The following PDZD2 variants were observed in gnomAD, a reference collection of about 807,000 sequenced individuals.
PDZD2 encodes the protein PDZ domain-containing protein 2.
In PDZD2, 90 loss-of-function variants were observed where a neutral mutation model predicts 220.7. The ratio of observed to expected loss-of-function variants is 0.41; its 90% confidence interval spans 0.34 to 0.49. The LOEUF (loss-of-function observed/expected upper bound fraction) is 0.49, where lower values mean the gene tolerates loss of function less well. Ranked by LOEUF, PDZD2 falls within the 20% of genes least tolerant of loss-of-function variation. PDZD2 has a pLI of 0.28. For synonymous variants in PDZD2, 1,375 were observed against 1,450.5 expected (o/e 0.95, Z 1.18); for missense variants, 3,174 against 3,608.5 (o/e 0.88, Z 3.08).
At chr5:32,101,026 G>T in intron 23 of PDZD2, 79 bp from the exon 24 acceptor site, 1 of 1,589,142 alleles carries the variant, frequency 6.3e-7, no homozygotes, top group Non-Finnish European at 8.6e-7. Flanking sequence ...GGCTGGAGGC[G>T]ATGCATCCTG....
rs1742124558 is a variant in PDZD2, at chr5:32,083,159, AT to A, written c.3683-3971del. On this transcript the variant is annotated intron_variant, in intron 19 of 24. Coordinates refer to ENST00000438447, the MANE Select transcript of PDZD2 (RefSeq NM_178140.4). This position sits in a 1 kb window ranked among gnomAD's most constrained non-coding sequence, Gnocchi z 4.1. Reference sequence around the variant, plus strand: ...GAGTCTTGTGCGTATATGGGTGTGAATAAATATATAGTCCTGTGCTTTTTTT... The same window carrying A: ...GAGTCTTGTGCGTATATGGGTGTGAAAAATATATAGTCCTGTGCTTTTTTT... Among the ~76,000 whole-genome samples, 1 of 151,684 alleles carries A rather than the reference AT, an allele frequency of 6.6e-6. No homozygotes were observed. The highest frequency in any genetic ancestry group is 6.6e-5 in the Admixed American group (1 of 15,182).
chr5:31,717,727 G>A (rs1017106724), intron 1 of PDZD2, among the ~76,000 whole-genome samples: 3 of 152,186 alleles, frequency 2.0e-5, no homozygotes, highest in Admixed American at 1.3e-4. Context: ...TCTGTGCCAC[G>A]CAGAGCCTGA....
intron 19 of PDZD2, among the ~76,000 whole-genome samples, chr5:32,079,319 C>T (rs1274181177): frequency 1.9e-4 from 29 of 150,788 alleles, no homozygotes; most frequent in Non-Finnish European, 5.9e-5. Context: ...AACTTGCACT[C>T]TGTGGGTAGG....
In PDZD2 at chr5:32,063,071, G is replaced by A; in HGVS notation, c.2451+1937G>A. ...TATTATTATTATTATTTGAGACGGA[G>A]TCTAGCTCTATAGCCCGGGCTGGGG... On this transcript the variant is annotated intron_variant, in intron 14 of 24. Transcript: ENST00000438447. Among the ~76,000 whole-genome samples, 3 of 110,618 alleles carry A rather than the reference G, an allele frequency of 2.7e-5. No individual in the cohort carries two copies. The Middle Eastern group carries it at 0.015, about 564-fold the overall frequency. 72.6% of individuals were successfully genotyped at this position (110,618 alleles called of 152,430 possible).
In PDZD2 at chr5:32,054,475, C is replaced by T. The variant is rs563831048; in HGVS notation, c.1900+592C>T. Among the ~76,000 whole-genome samples the T allele has an allele frequency of 9.2e-5, 14 of 151,780 alleles. No individual in the cohort carries two copies. In the East Asian group the frequency reaches 1.9e-3, roughly 21 times the overall value. On this transcript the variant is annotated intron_variant, in intron 10 of 24. Coordinates refer to ENST00000438447, the MANE Select transcript of PDZD2 (RefSeq NM_178140.4). ...AGTAGCTGGGACTATAGGTGCACAC[C>T]GTCATGCCTGGCTAATTTTTGTATA... is the stretch of plus-strand genomic sequence containing the variant.
intron 1 of PDZD2, among the ~76,000 whole-genome samples, chr5:31,742,738 A>G (rs1750344835): frequency 6.6e-6 from 1 of 152,186 alleles, no homozygotes; most frequent in African/African-American, 2.4e-5. Context: ...GTGGAATAAT[A>G]TTCGTGTCTT....
At chr5:31,652,802 G>A (rs1745399899) in intron 1 of PDZD2, among the ~76,000 whole-genome samples, 1 of 152,180 alleles carries the variant, frequency 6.6e-6, no homozygotes, top group Non-Finnish European at 1.5e-5. Context: ...CTTGAGGTCA[G>A]GAGTTCGAGA....
rs544583874 is a variant in PDZD2 at position 31,810,407 on chromosome 5, T to C, written c.476+10683T>C. On this transcript the variant is annotated intron_variant, in intron 2 of 24. Coordinates refer to ENST00000438447, the MANE Select transcript of PDZD2 (RefSeq NM_178140.4). ...CCTCCCGAGTAGCTGGGACTACAGG[T>C]GCCCACCACCACGCCTCACTAAATT... Among the ~76,000 whole-genome samples, 232 of 146,692 alleles carry C rather than the reference T, an allele frequency of 1.6e-3. 1 individual carries two copies. The highest frequency in any genetic ancestry group is 5.5e-3 in the African/African-American group (220 of 39,886).
Position 32,072,225 on chromosome 5 carries a change from C to G in PDZD2, c.2633C>G (p.Ser878Ter). The G allele has an allele frequency of 6.2e-7, 1 of 1,613,684 alleles. No homozygotes were observed. The highest frequency in any genetic ancestry group is 8.5e-7 in the Non-Finnish European group (1 of 1,179,576). ...GCCCACGATGTCCCTGGCCCCTTGT[C>G]AGACTTCATGGTGGCCGGTTCTGAG... Reference protein sequence around the residue: ...YFAHDVPGPLSDFMVAGSEDE... With the variant: ...YFAHDVPGPL Residue 878 changes from serine (S) to a stop codon, truncating the protein, a stop_gained, in exon 17 of 25, where the codon TCA becomes TGA. Transcript: ENST00000438447. LOFTEE classifies it high-confidence loss of function.
intron 1 of PDZD2, among the ~76,000 whole-genome samples, chr5:31,792,334 C>A (rs1426608306): frequency 6.6e-6 from 1 of 152,210 alleles, no homozygotes; most frequent in African/African-American, 2.4e-5. Flanking sequence ...TCCAATGGGT[C>A]TGGGTTCTAG....
Position 32,088,976 on chromosome 5 carries a change from A to AT in PDZD2, c.5528_5529insT (p.Lys1843AsnfsTer8). On this transcript the variant is annotated frameshift_variant, in exon 20 of 25. Coordinates refer to ENST00000438447, the MANE Select transcript of PDZD2 (RefSeq NM_178140.4). LOFTEE classifies it high-confidence loss of function. The surrounding 1 kb of genome is among the most constrained non-coding windows in gnomAD (Gnocchi z 4.6). Reference sequence around the variant, plus strand: ...CAGATGGTGAGTTCAAGCCAAAAAAAGGGCGTTACTGTGCCTCATAGCCCT... The same window carrying AT: ...CAGATGGTGAGTTCAAGCCAAAAAAATGGGCGTTACTGTGCCTCATAGCCCT... 6.2e-7 allele frequency: 1 copy of AT among 1,614,046 alleles called. No homozygotes were observed.
chr5:32,063,027 A>ATATTATTATTATTATTATTATTAT (rs147802513), intron 14 of PDZD2, among the ~76,000 whole-genome samples: 96 of 142,332 alleles, frequency 6.7e-4, no homozygotes, highest in East Asian at 8.3e-4. Flanking sequence ...TGAGAATGAA[A>ATATTATTATTATTATTATTATTAT]TATTATTATT....
intron 6 of PDZD2, among the ~76,000 whole-genome samples, chr5:32,016,986 C>G (rs1027277721): frequency 6.6e-6 from 1 of 152,220 alleles, no homozygotes; most frequent in Non-Finnish European, 1.5e-5. Flanking sequence ...CAGGTCCTCA[C>G]TGTCACTGTG....
At chr5:32,041,694 A>G (rs559232421) in intron 7 of PDZD2, among the ~76,000 whole-genome samples, 15 of 152,172 alleles carry the variant, frequency 9.9e-5, no homozygotes, top group African/African-American at 3.6e-4. Context: ...ACCCAGGGAC[A>G]CAAACACTGC....
intron 1 of PDZD2, among the ~76,000 whole-genome samples, chr5:31,795,266 C>A (rs564767432): frequency 6.6e-6 from 1 of 152,256 alleles, no homozygotes; most frequent in East Asian, 1.9e-4. Context: ...TTTTCACCCC[C>A]TTGTGAGTAA....
At chr5:31,889,426 C>G (rs1021687803) in intron 2 of PDZD2, among the ~76,000 whole-genome samples, 1 of 152,140 alleles carries the variant, frequency 6.6e-6, no homozygotes, top group African/African-American at 2.4e-5. Flanking sequence ...TGGTGCTGTT[C>G]AGAAAGGCCT....
chr5:31,673,107 A>C (rs1030141368), intron 1 of PDZD2, among the ~76,000 whole-genome samples: 10 of 152,152 alleles, frequency 6.6e-5, no homozygotes, highest in African/African-American at 2.4e-4. Context: ...GTGTGAGGAA[A>C]GGGGAAGGGG....
intron 1 of PDZD2, among the ~76,000 whole-genome samples, chr5:31,663,179 A>G (rs1745850377): frequency 6.6e-6 from 1 of 152,252 alleles, no homozygotes; most frequent in Non-Finnish European, 1.5e-5. Context: ...TCTGTTAGGA[A>G]TAAGTTCCAT....
At chr5:31,975,793 C>CTTTTTTTTGTTT (rs1749697479) in intron 2 of PDZD2, among the ~76,000 whole-genome samples, 1 of 55,182 alleles carries the variant, frequency 1.8e-5, no homozygotes, top group Non-Finnish European at 3.1e-5. Flanking sequence ...GTATCAGTCA[C>CTTTTTTTTGTTT]TTTTTTTTTA....
Sources: gnomAD v4.1 joint callset for allele counts (sites outside exome capture counted in the v4.1 genomes callset) on GRCh38, gnomAD v4.1.1 for gene constraint, Gnocchi (gnomAD v3.1) non-coding constraint, MANE v1.5 for transcripts, NCBI Gene and HGNC (gene_info 2026-07-23, HGNC 2026-07-21) for gene names.